The following DAB1 variants were observed in gnomAD, a reference collection of about 807,000 sequenced individuals.
DAB1 encodes the protein DAB adaptor protein 1.
DAB1 carries 15 observed loss-of-function variants against 64.6 expected under a neutral mutation model. That is an observed-to-expected ratio of 0.23 (90% CI 0.16 to 0.36). DAB1 has a LOEUF of 0.36. DAB1 is among the 10% of genes least tolerant of loss of function. The probability of loss-of-function intolerance (pLI) is 1.00; values close to 1 mark genes in which losing one functional copy is unlikely to be tolerated. For missense variants in DAB1, 596 were observed against 706.7 expected, an observed-to-expected ratio of 0.84 and a Z score of 1.78; for synonymous variants, 235 against 251.9, an observed-to-expected ratio of 0.93 and a Z score of 0.64.
intron 6 of DAB1, among the ~76,000 whole-genome samples, chr1:57,810,665 C>T (rs1173802985): frequency 6.6e-6 from 1 of 152,158 alleles, no homozygotes; most frequent in Admixed American, 6.5e-5. Flanking sequence ...AAAGCATTCA[C>T]CAATGGCCCA....
chr1:58,526,227 A>C (rs887675016), intron 2 of DAB1, among the ~76,000 whole-genome samples: 2 of 152,088 alleles, frequency 1.3e-5, no homozygotes, highest in Non-Finnish European at 2.9e-5. Flanking sequence ...TTCTTAGTGC[A>C]CGCAGTCTGA....
In DAB1 at chr1:58,540,669, T is replaced by C. The variant is rs150380914; in HGVS notation, n.32+6034A>G. Among the ~76,000 whole-genome samples, 214 of 148,766 alleles carry C rather than the reference T, an allele frequency of 1.4e-3. 1 individual carries two copies. Among genetic ancestry groups the C allele is most frequent in the Middle Eastern group, 3.4e-3 (1 of 292 alleles). On this transcript the variant is annotated intron_variant and non_coding_transcript_variant, in intron 1 of 20. Coordinates refer to the DAB1 transcript ENST00000485760. The stretch of plus-strand genomic sequence containing the variant: ...AAAGATTTGTGACTTTGAAGACGTA[T>C]CAATAGAAACCATCTAAAATGAAAT...
chr1:57,238,751 T>A (rs1368926160), intron 2 of DAB1, among the ~76,000 whole-genome samples: 1 of 151,866 alleles, frequency 6.6e-6, no homozygotes, highest in Non-Finnish European at 1.5e-5. Flanking sequence ...GTACAATGAC[T>A]GGAAATAGTT....
intron 4 of DAB1, among the ~76,000 whole-genome samples, chr1:58,342,664 T>G (rs1291284732): frequency 6.6e-6 from 1 of 152,146 alleles, no homozygotes; most frequent in Non-Finnish European, 1.5e-5. Flanking sequence ...TTTCATTGTT[T>G]CTCCAATGTA....
At chr1:57,100,204 A>G (rs1172489909) in intron 4 of DAB1, among the ~76,000 whole-genome samples, 1 of 152,198 alleles carries the variant, frequency 6.6e-6, no homozygotes, top group Non-Finnish European at 1.5e-5. Flanking sequence ...AATCTACTTC[A>G]TTAGGTTATT....
intron 3 of DAB1, among the ~76,000 whole-genome samples, chr1:58,384,451 T>C (rs551029849): frequency 2.6e-5 from 4 of 152,318 alleles, no homozygotes; most frequent in East Asian, 1.9e-4. Context: ...CTGTACAACA[T>C]AGCCTATAGT....
chr1:57,359,583 A>G (rs1679385005), intron 1 of DAB1, among the ~76,000 whole-genome samples: 1 of 152,046 alleles, frequency 6.6e-6, no homozygotes, highest in Non-Finnish European at 1.5e-5. Context: ...CAATCTCACC[A>G]CTGGAATTAT....
intron 2 of DAB1, among the ~76,000 whole-genome samples, chr1:57,175,089 C>T (rs866356121): frequency 6.6e-6 from 1 of 152,080 alleles, no homozygotes; most frequent in Admixed American, 6.6e-5. Context: ...GATCCTTACT[C>T]CACTTTAAAG....
At chr1:57,123,666 G>A (rs1656868277) in intron 4 of DAB1, among the ~76,000 whole-genome samples, 1 of 152,226 alleles carries the variant, frequency 6.6e-6, no homozygotes, top group Middle Eastern at 3.4e-3. Context: ...GATAAAACCT[G>A]CATGGCTAAC....
intron 1 of DAB1, among the ~76,000 whole-genome samples, chr1:57,293,419 A>G (rs181355996): frequency 1.3e-5 from 2 of 152,302 alleles, no homozygotes; most frequent in Admixed American, 6.5e-5. Flanking sequence ...CAGTTTCTTC[A>G]TCTGTACAAT....
intron 4 of DAB1, among the ~76,000 whole-genome samples, chr1:58,164,621 TGA>T (rs1191417339): frequency 6.6e-6 from 1 of 152,210 alleles, no homozygotes; most frequent in African/African-American, 2.4e-5. Context: ...AAAATTGATG[TGA>T]TTCTCATGCA....
rs115256478 is a variant in DAB1, at chr1:57,711,587, C to T, written n.552-61922G>A. On this transcript the variant is annotated intron_variant and non_coding_transcript_variant, in intron 6 of 20. Coordinates refer to the DAB1 transcript ENST00000485760. ...GTTAGCACTCTCATCCACAGTTTGG[C>T]ATAGCACTTAAGTGAACAGCGGACT... Among the ~76,000 whole-genome samples the T allele has an allele frequency of 1.9e-3, 295 of 152,328 alleles. 1 individual carries two copies. Among genetic ancestry groups the T allele is most frequent in the Middle Eastern group, 6.8e-3 (2 of 294 alleles).
intron 7 of DAB1, among the ~76,000 whole-genome samples, chr1:57,502,815 G>A (rs1479007852): frequency 6.6e-6 from 1 of 152,092 alleles, no homozygotes; most frequent in African/African-American, 2.4e-5. Context: ...TTGCTGTGAA[G>A]GAATGCTGAA....
chr1:57,056,545 C>G lies in DAB1; in HGVS notation c.723+6339G>C, dbSNP rs962864212. ...AGAAAAAAAAGAAAAGAAAAGAAAA[C>G]AAATTTCAAATTTGTGGTTAGAAGT... On this transcript the variant is annotated intron_variant, in intron 9 of 14. Transcript: ENST00000371236. Among the ~76,000 whole-genome samples, 69 of 147,768 alleles carry G rather than the reference C, an allele frequency of 4.7e-4. 1 individual carries two copies. The highest frequency in any genetic ancestry group is 1.3e-3 in the Admixed American group (19 of 14,846).
intron 4 of DAB1, among the ~76,000 whole-genome samples, chr1:57,089,540 G>A (rs1287084098): frequency 6.6e-6 from 1 of 152,036 alleles, no homozygotes; most frequent in Admixed American, 6.6e-5. Flanking sequence ...CATATCAGAT[G>A]GCCAGAGCAG....
intron 3 of DAB1, among the ~76,000 whole-genome samples, chr1:58,487,883 A>G (rs999233528): frequency 1.3e-5 from 2 of 151,964 alleles, no homozygotes; most frequent in African/African-American, 4.8e-5. Context: ...CAAATATTTC[A>G]GTTTTCTTGC....
chr1:57,759,476 G>A (rs1648968744), intron 6 of DAB1, among the ~76,000 whole-genome samples: 1 of 152,140 alleles, frequency 6.6e-6, no homozygotes, highest in Non-Finnish European at 1.5e-5. Context: ...ATTTTGGCAT[G>A]ATGATAGGCT....
intron 1 of DAB1, among the ~76,000 whole-genome samples, chr1:57,345,794 C>T (rs1292057358): frequency 2.0e-5 from 3 of 152,246 alleles, no homozygotes; most frequent in East Asian, 1.9e-4. Flanking sequence ...CAATTACTGC[C>T]GGTGCCTATG....
At chr1:58,362,392 A>G (rs1335487385) in intron 3 of DAB1, among the ~76,000 whole-genome samples, 1 of 152,210 alleles carries the variant, frequency 6.6e-6, no homozygotes, top group Non-Finnish European at 1.5e-5. Flanking sequence ...CTTTGAGGGA[A>G]AAATACTGAC....
Sources: gnomAD v4.1 joint callset for allele counts (sites outside exome capture counted in the v4.1 genomes callset) on GRCh38, gnomAD v4.1.1 for gene constraint, MANE v1.5 for transcripts, NCBI Gene and HGNC (gene_info 2026-07-23, HGNC 2026-07-21) for gene names.